FRMD4A: variants seen among roughly 807,000 people sequenced by gnomAD.
FRMD4A encodes FERM domain containing 4A.
Under a neutral mutation model 129.1 loss-of-function variants are expected in FRMD4A, and 29 were observed. The ratio of observed to expected loss-of-function variants is 0.22; its 90% confidence interval spans 0.17 to 0.31. The LOEUF is 0.31. Ranked by LOEUF, FRMD4A falls within the 10% of genes least tolerant of loss-of-function variation. The pLI is 1.00. For missense variants in FRMD4A, 1,272 were observed against 1,375.8 expected (o/e 0.92, Z 1.19); for synonymous variants, 634 against 571.6 (o/e 1.11, Z -1.56).
intron 2 of FRMD4A, among the ~76,000 whole-genome samples, chr10:14,006,479 T>C (rs1207916701): frequency 6.6e-6 from 1 of 152,234 alleles, no homozygotes; most frequent in Non-Finnish European, 1.5e-5. Context: ...ACTGCCTATA[T>C]TTGAATTTAT....
At chr10:14,054,003 T>C (rs902491487) in intron 2 of FRMD4A, among the ~76,000 whole-genome samples, 1 of 152,048 alleles carries the variant, frequency 6.6e-6, no homozygotes, top group Non-Finnish European at 1.5e-5. Context: ...TGAGACCCTG[T>C]CCCTACAAAA....
At chr10:13,928,596 C>T (rs553217294) in intron 2 of FRMD4A, among the ~76,000 whole-genome samples, 1 of 152,252 alleles carries the variant, frequency 6.6e-6, no homozygotes, top group Non-Finnish European at 1.5e-5. Flanking sequence ...TTTCTTTTTA[C>T]AGTCAGTGAT....
rs930100234 is a variant in FRMD4A at position 13,663,441 on chromosome 10, G to T, written c.1660+12C>A. The T allele has an allele frequency of 2.9e-6, 4 of 1,360,154 alleles. No individual in the cohort carries two copies. The highest frequency in any genetic ancestry group is 4.2e-6 in the Non-Finnish European group (4 of 947,738). 84.3% of individuals were successfully genotyped at this position (1,360,154 alleles called of 1,614,324 possible). On this transcript the variant is annotated intron_variant, in intron 19 of 24. Transcript: ENST00000357447. ...AGCTGTAGGTTTGTAAGCAGGAAAT[G>T]CATAAACCTACCATCCTCAAGAACA...
chr10:14,101,550 A>T (rs748120693), intron 2 of FRMD4A, among the ~76,000 whole-genome samples: 2 of 152,196 alleles, frequency 1.3e-5, no homozygotes, highest in East Asian at 1.9e-4. Flanking sequence ...GAAAAATAAC[A>T]GTGGGAACCT....
chr10:14,163,253 A>G (rs1197537694), intron 2 of FRMD4A, among the ~76,000 whole-genome samples: 5 of 152,252 alleles, frequency 3.3e-5, no homozygotes, highest in African/African-American at 1.2e-4. Context: ...AGAAATGTCT[A>G]AATTTCAGTT....
intron 2 of FRMD4A, among the ~76,000 whole-genome samples, chr10:13,959,505 G>T (rs2095432941): frequency 1.5e-4 from 2 of 13,446 alleles, no homozygotes; most frequent in African/African-American, 6.6e-4. Context: ...AAAAAGCTGT[G>T]AGTGATTTTT....
At chr10:13,717,585 A>ATTTT (rs376321240) in intron 12 of FRMD4A, among the ~76,000 whole-genome samples, 98 of 149,732 alleles carry the variant, frequency 6.5e-4, no homozygotes, top group African/African-American at 2.4e-3. Context: ...AAGTGCTAGA[A>ATTTT]TTACAGGCAT....
intron 2 of FRMD4A, among the ~76,000 whole-genome samples, chr10:14,069,349 C>T (rs1835210420): frequency 6.6e-6 from 1 of 152,182 alleles, no homozygotes; most frequent in African/African-American, 2.4e-5. Context: ...TCCTACGCAG[C>T]ATAGGTGCTT....
intron 3 of FRMD4A, among the ~76,000 whole-genome samples, chr10:13,849,950 C>T (rs2094118109): frequency 6.6e-6 from 1 of 151,496 alleles, no homozygotes; most frequent in Non-Finnish European, 1.5e-5. Flanking sequence ...GGGTGGATCA[C>T]CTGAGATCAG....
chr10:13,690,722 G>A (rs1164186818), intron 15 of FRMD4A, among the ~76,000 whole-genome samples: 1 of 152,212 alleles, frequency 6.6e-6, no homozygotes, highest in Non-Finnish European at 1.5e-5. Flanking sequence ...AGCTGACAAT[G>A]GGAGCCGCTC....
chr10:13,663,449 C>G lies in FRMD4A; in HGVS notation c.1660+4G>C, dbSNP rs1259064616. Reference sequence around the variant, plus strand: ...GTTTGTAAGCAGGAAATGCATAAACCTACCATCCTCAAGAACAAGGGCATC... The same window carrying G: ...GTTTGTAAGCAGGAAATGCATAAACGTACCATCCTCAAGAACAAGGGCATC... On this transcript the variant is annotated splice_donor_region_variant and intron_variant, in intron 19 of 24. Transcript: ENST00000357447. 2 of 1,444,344 alleles carry G rather than the reference C, an allele frequency of 1.4e-6. No homozygotes were observed. Among genetic ancestry groups the G allele is most frequent in the Non-Finnish European group, 2.0e-6 (2 of 1,024,712 alleles). 89.5% of individuals were successfully genotyped at this position (1,444,344 alleles called of 1,614,324 possible). A position where few individuals can be genotyped will look rare whatever the true frequency, so the allele number is the denominator to read the frequency against.
intron 12 of FRMD4A, among the ~76,000 whole-genome samples, chr10:13,716,305 G>A (rs1589519670): frequency 6.6e-6 from 1 of 152,028 alleles, no homozygotes; most frequent in Middle Eastern, 3.2e-3. Context: ...TTCACCCTGC[G>A]AAAAAAGTAT....
intron 2 of FRMD4A, among the ~76,000 whole-genome samples, chr10:14,137,196 G>A (rs1477872739): frequency 6.6e-6 from 1 of 152,184 alleles, no homozygotes; most frequent in Non-Finnish European, 1.5e-5. Context: ...CACTGGAAAG[G>A]GATGCATATA....
At chr10:13,710,703 G>A (rs72769527) in intron 12 of FRMD4A, 16,179 of 152,256 alleles carry the variant, frequency 0.11, 918 homozygotes, top group African/African-American at 0.13. Flanking sequence ...AGATTGTTGC[G>A]TTGAGACATT....
chr10:14,176,637 G>A (rs1201964546), intron 2 of FRMD4A, among the ~76,000 whole-genome samples: 3 of 151,834 alleles, frequency 2.0e-5, no homozygotes, highest in African/African-American at 4.8e-5. Context: ...ACCACTCCCA[G>A]CTAATTTTTG....
At chr10:13,681,585 T>C (rs569350535) in intron 15 of FRMD4A, among the ~76,000 whole-genome samples, 1 of 152,240 alleles carries the variant, frequency 6.6e-6, no homozygotes, top group East Asian at 1.9e-4. Flanking sequence ...TGTGTATATA[T>C]ATATATTTTT....
Position 14,330,185 on chromosome 10 carries a change from T to C in FRMD4A, c.-81-2A>G. On this transcript the variant is annotated splice_acceptor_variant, in intron 1 of 24. Transcript: ENST00000357447. LOFTEE classifies it low-confidence loss of function (5UTR_SPLICE). ...TGGCTACAGAGCATCCAAAAGCACC[T>C]GCAGAAAAAGCAGCCAAAATCCAGA... The C allele has an allele frequency of 3.5e-6, 5 of 1,436,886 alleles. No homozygotes were observed. The highest frequency in any genetic ancestry group is 4.8e-6 in the Non-Finnish European group (5 of 1,047,504). 89.0% of individuals were successfully genotyped at this position (1,436,886 alleles called of 1,614,324 possible).
At chr10:13,807,094 AC>A (rs1270520074) in intron 4 of FRMD4A, among the ~76,000 whole-genome samples, 1 of 152,240 alleles carries the variant, frequency 6.6e-6, no homozygotes, top group Non-Finnish European at 1.5e-5. Context: ...GGTGTGAGCC[AC>A]CGCGCCTGGC....
At chr10:13,903,977 G>T (rs2094851076) in intron 2 of FRMD4A, among the ~76,000 whole-genome samples, 1 of 152,166 alleles carries the variant, frequency 6.6e-6, no homozygotes, top group South Asian at 2.1e-4. Flanking sequence ...TGATGGAAAT[G>T]CTTCCTAACC....
Sources: allele counts gnomAD v4.1 joint callset (sites outside exome capture counted in the v4.1 genomes callset), GRCh38; gene constraint gnomAD v4.1.1; transcripts MANE v1.5; gene names NCBI Gene and HGNC (gene_info 2026-07-23, HGNC 2026-07-21).